Variants in DPP6 observed in about 807,000 individuals in gnomAD.
DPP6 encodes A-type potassium channel modulatory protein DPP6.
A neutral mutation model predicts 122.6 loss-of-function variants in DPP6; 69 were observed. The observed-to-expected ratio is 0.56, with a 90% CI of 0.46 to 0.69. The LOEUF (loss-of-function observed/expected upper bound fraction) is 0.69, where lower values mean the gene tolerates loss of function less well. DPP6 is among the 30% of genes least tolerant of loss of function. DPP6 has a pLI of 0.00. For synonymous variants in DPP6, 418 were observed against 433.1 expected (o/e 0.97, Z 0.43); for missense variants, 928 against 1,116.9 (o/e 0.83, Z 2.41).
In DPP6 at chr7:154,365,957, CAAAAAAAAAAAA is replaced by C. The variant is rs35516153; in HGVS notation, c.244-80246_244-80235del. 2.9e-4 allele frequency among the ~76,000 whole-genome samples: 22 copies of C among 75,934 alleles called. No homozygotes were observed. The South Asian group carries it at 1.0e-2, about 34-fold the overall frequency. The allele number at this position is 75,934 out of a possible 152,430, so 49.8% of individuals were successfully genotyped here. A position where few individuals can be genotyped will look rare whatever the true frequency, so the allele number is the denominator to read the frequency against. ...TGGGCGACAGAGCGAGACTCCGTCTCAAAAAAAAAAAAAAAAAAAAAAGTGGGGAAGGGGAAA... is the reference window on the plus strand; with the variant it reads ...TGGGCGACAGAGCGAGACTCCGTCTCAAAAAAAAAAGTGGGGAAGGGGAAA... On this transcript the variant is annotated intron_variant, in intron 1 of 25. Coordinates refer to ENST00000377770, the MANE Select transcript of DPP6 (RefSeq NM_130797.4).
intron 1 of DPP6, among the ~76,000 whole-genome samples, chr7:154,311,013 G>A (rs906252460): frequency 3.3e-5 from 5 of 152,164 alleles, no homozygotes; most frequent in Non-Finnish European, 4.4e-5. Context: ...TATATAATTC[G>A]GGGAGAAAGT....
chr7:154,057,797 G>C (rs1039436589), intron 1 of DPP6: 2 of 150,642 alleles, frequency 1.3e-5, no homozygotes, highest in Non-Finnish European at 2.9e-5. Flanking sequence ...ATCTGACAAA[G>C]CCTTTTCCAT....
At chr7:153,926,580 T>TA (rs1233225277) in intron 1 of DPP6, among the ~76,000 whole-genome samples, 1 of 152,126 alleles carries the variant, frequency 6.6e-6, no homozygotes, top group Non-Finnish European at 1.5e-5. Context: ...AGGTGACTGT[T>TA]ACTTGAAGGA....
intron 1 of DPP6, among the ~76,000 whole-genome samples, chr7:153,904,860 A>G (rs1484462470): frequency 1.3e-5 from 2 of 152,270 alleles, no homozygotes; most frequent in Non-Finnish European, 2.9e-5. Context: ...ACAGGTGAAC[A>G]GGAGAAGAGG....
At chr7:154,341,653 T>C (rs986377572) in intron 1 of DPP6, among the ~76,000 whole-genome samples, 8 of 151,878 alleles carry the variant, frequency 5.3e-5, no homozygotes, top group Admixed American at 5.2e-4. Context: ...AATCCTATTA[T>C]TCAATTTCTT....
At chr7:154,244,533 G>A (rs937315473) in intron 1 of DPP6, among the ~76,000 whole-genome samples, 4 of 152,124 alleles carry the variant, frequency 2.6e-5, no homozygotes, top group African/African-American at 7.2e-5. Context: ...ACACCTGACT[G>A]TAAAATGTAT....
intron 1 of DPP6, among the ~76,000 whole-genome samples, chr7:154,405,357 GT>G (rs1216255845): frequency 1.3e-5 from 2 of 152,172 alleles, no homozygotes; most frequent in Non-Finnish European, 2.9e-5. Flanking sequence ...TTTAAATAAT[GT>G]TTTGTGACGT....
chr7:154,801,590 G>A (rs1798370531), intron 13 of DPP6, 128 bp downstream of exon 13: 5 of 1,316,478 alleles, frequency 3.8e-6, no homozygotes, highest in Non-Finnish European at 5.1e-6. Context: ...GGTTCCCGAA[G>A]GCAGGGCAGG....
the DPP6 span, among the ~76,000 whole-genome samples, chr7:153,796,740 T>C: frequency 6.6e-6 from 1 of 152,244 alleles, no homozygotes; most frequent in Admixed American, 6.5e-5. Flanking sequence ...ACCTACATAA[T>C]GCAGCCACAG....
intron 1 of DPP6, among the ~76,000 whole-genome samples, chr7:154,073,336 T>A (rs1365064573): frequency 6.6e-6 from 1 of 152,154 alleles, no homozygotes; most frequent in Non-Finnish European, 1.5e-5. Flanking sequence ...GAACTCCTGG[T>A]CCGCCTTCTT....
chr7:154,795,958 C>A, intron 12 of DPP6, 75 bp downstream of exon 12: 2 of 1,543,874 alleles, frequency 1.3e-6, no homozygotes, highest in Non-Finnish European at 1.7e-6. Flanking sequence ...AGAGCTTCGA[C>A]AACAGCAGAA....
chr7:154,310,038 G>A (rs776347152), intron 1 of DPP6, among the ~76,000 whole-genome samples: 2 of 152,188 alleles, frequency 1.3e-5, no homozygotes, highest in Non-Finnish European at 2.9e-5. Context: ...TTCCAGAGCC[G>A]GGAGACAGGA....
chr7:154,384,053 C>T (rs1032969958), intron 1 of DPP6, among the ~76,000 whole-genome samples: 1 of 152,084 alleles, frequency 6.6e-6, no homozygotes, highest in Non-Finnish European at 1.5e-5. Context: ...TGCTTTGCAC[C>T]TGGGACTCTG....
intron 2 of DPP6, among the ~76,000 whole-genome samples, chr7:154,449,286 C>G (rs1820147145): frequency 2.0e-5 from 3 of 151,914 alleles, no homozygotes; most frequent in African/African-American, 7.3e-5. Context: ...AGACATTTCT[C>G]CAAAGAAAGA....
intron 2 of DPP6, among the ~76,000 whole-genome samples, chr7:154,469,894 G>A (rs1402846508): frequency 6.6e-6 from 1 of 152,226 alleles, no homozygotes; most frequent in East Asian, 1.9e-4. Flanking sequence ...CAGCATCTGT[G>A]TTAGGTCCAT....
chr7:154,436,276 A>G (rs775024047), intron 1 of DPP6, among the ~76,000 whole-genome samples: 8 of 151,328 alleles, frequency 5.3e-5, no homozygotes, highest in Non-Finnish European at 1.2e-4. Flanking sequence ...CACATGCACC[A>G]GGTTACAACC....
chr7:154,719,384 C>T (rs1354591194), intron 7 of DPP6, among the ~76,000 whole-genome samples: 7 of 150,900 alleles, frequency 4.6e-5, no homozygotes, highest in Admixed American at 1.3e-4. Flanking sequence ...AATGTGGCCA[C>T]GGGGGTGGAA....
chr7:154,757,428 C>T (rs773923045), intron 8 of DPP6, among the ~76,000 whole-genome samples: 35 of 152,238 alleles, frequency 2.3e-4, no homozygotes, highest in Non-Finnish European at 4.7e-4. Context: ...CCACTGCAGC[C>T]CTCCTGCCTC....
At chr7:153,992,831 T>C (rs1322300492) in intron 1 of DPP6, among the ~76,000 whole-genome samples, 4 of 152,216 alleles carry the variant, frequency 2.6e-5, no homozygotes. Flanking sequence ...AGGCAGTTCC[T>C]CACCCTATAA....
Sources: allele counts gnomAD v4.1 joint callset (sites outside exome capture counted in the v4.1 genomes callset), GRCh38; gene constraint gnomAD v4.1.1; transcripts MANE v1.5; gene names NCBI Gene and HGNC (gene_info 2026-07-23, HGNC 2026-07-21).